TJP3: variants seen among roughly 807,000 people sequenced by gnomAD.
The protein encoded by TJP3 is tight junction protein ZO-3.
In TJP3, 85 loss-of-function variants were observed where a neutral mutation model predicts 104.2. That is an observed-to-expected ratio of 0.82 (90% confidence interval 0.68 to 0.98). The LOEUF (loss-of-function observed/expected upper bound fraction) is 0.98. Among genes scored for constraint, TJP3 ranks in the 50% least tolerant of loss-of-function variants. The pLI, the probability that TJP3 is intolerant of heterozygous loss-of-function variation, is 0.00. For missense variants in TJP3, 1,367 were observed against 1,322.8 expected, an observed-to-expected ratio of 1.03 and a Z score of -0.52; for synonymous variants, 550 against 550.6, an observed-to-expected ratio of 1.00 and a Z score of 0.02.
intron 13 of TJP3, among the ~76,000 whole-genome samples, chr19:3,740,176 G>A (rs1047360386): frequency 5.9e-5 from 9 of 152,208 alleles, no homozygotes; most frequent in African/African-American, 1.9e-4. Context: ...AGGTTGCAGT[G>A]AGCAGAGATT....
At chr19:3,712,682 C>T (rs1050373466) in intron 1 of TJP3, among the ~76,000 whole-genome samples, 10 of 152,140 alleles carry the variant, frequency 6.6e-5, no homozygotes, top group African/African-American at 2.4e-4. Flanking sequence ...GGCTTGGTGG[C>T]TCCCGCCTGG....
chr19:3,717,147 T>TA (rs2036486515), intron 1 of TJP3, among the ~76,000 whole-genome samples: 1 of 146,316 alleles, frequency 6.8e-6, no homozygotes, highest in Non-Finnish European at 1.5e-5. Context: ...GTATTTTTAG[T>TA]AGAGACGAGG....
At position 3,746,849 on chromosome 19, in the gene TJP3, G is replaced by A. The variant is rs748877202; in HGVS notation, c.2295G>A (p.Thr765=). 7.4e-6 allele frequency: 12 copies of A among 1,611,096 alleles called. No homozygotes were observed. The highest frequency in any genetic ancestry group is 4.5e-5 in the East Asian group (2 of 44,824). The change falls in exon 18 of 21, where the codon ACG becomes ACA. Residue 765 remains threonine, a synonymous_variant. Transcript: ENST00000541714. This position sits in a 1 kb window ranked among gnomAD's most constrained non-coding sequence, Gnocchi z 4.1. ...AGGCCATCATTCGAGAGCAGCAGAC[G>A]CGGCCCATCTGGACGGCGGAAGATC... ...ELKAIIREQQ[T]RPIWTAEDQL... is the part of the protein sequence containing the mutation.
intron 14 of TJP3, among the ~76,000 whole-genome samples, chr19:3,741,894 C>A (rs1568386636): frequency 2.6e-5 from 4 of 151,278 alleles, no homozygotes; most frequent in Non-Finnish European, 4.4e-5. Flanking sequence ...CACTTGAACC[C>A]GGGAGGCAGA....
At position 3,730,551 on chromosome 19, in the gene TJP3, G is replaced by A. The variant is rs944216016; in HGVS notation, c.458G>A (p.Arg153His). The change falls in exon 5 of 21, where the codon CGC (arginine) becomes CAC (histidine). Residue 153 changes from arginine to histidine, a missense_variant. Physicochemically the swap from Arg to His is conservative, Grantham distance 29. Coordinates refer to ENST00000541714, the MANE Select transcript of TJP3 (RefSeq NM_001267560.2). This position sits in a 1 kb window ranked among gnomAD's most constrained non-coding sequence, Gnocchi z 7.3. ...DERSRRPRPG[R>H]RGRAGSHGRR... The stretch of plus-strand genomic sequence containing the variant: ...CGCTCCCGCCGGCCGAGGCCTGGTC[G>A]CCGGGGCCGGGCCGGCAGCCATGGG... 9.4e-6 allele frequency: 15 copies of A among 1,603,114 alleles called. No individual in the cohort carries two copies. The highest frequency in any genetic ancestry group is 1.3e-5 in the African/African-American group (1 of 74,858).
At position 3,740,744 on chromosome 19, in the gene TJP3, ACGAGTGGTGTTG is replaced by A; in HGVS notation, c.1829_1840del (p.Val610_Arg613del). On this transcript the variant is annotated inframe_deletion, in exon 14 of 21. Transcript: ENST00000541714. ...GACAGGGCCGCTACCCGCCCTACGA[ACGAGTGGTGTTG>A]CGAGAAGGTGGGGCCCGGAGCTGGA... is the stretch of plus-strand genomic sequence containing the variant. 1 of 1,587,300 alleles carries A rather than the reference ACGAGTGGTGTTG, an allele frequency of 6.3e-7. No individual in the cohort carries two copies. The highest frequency in any genetic ancestry group is 8.6e-7 in the Non-Finnish European group (1 of 1,167,778).
intron 1 of TJP3, among the ~76,000 whole-genome samples, chr19:3,713,249 C>G (rs1023365381): frequency 4.6e-5 from 7 of 152,174 alleles, no homozygotes; most frequent in Non-Finnish European, 1.0e-4. Context: ...CCTGGCTGCC[C>G]TCCATCTCTG....
chr19:3,749,765 T>G, intron 19 of TJP3: 4 of 270,602 alleles, frequency 1.5e-5, no homozygotes, highest in East Asian at 8.5e-5. Flanking sequence ...ACATCTCTGA[T>G]TAGAGTGATT....
At chr19:3,722,655 C>T (rs945819529) in intron 1 of TJP3, among the ~76,000 whole-genome samples, 6 of 151,768 alleles carry the variant, frequency 4.0e-5, no homozygotes, top group African/African-American at 1.5e-4. Flanking sequence ...TTTCTTCAGA[C>T]CCACCAGCCA....
At chr19:3,715,732 T>C (rs2145664276) in intron 1 of TJP3, among the ~76,000 whole-genome samples, 1 of 152,286 alleles carries the variant, frequency 6.6e-6, no homozygotes, top group Admixed American at 6.5e-5. Context: ...TGGCCTCCAC[T>C]CACTCATGCC....
intron 1 of TJP3, among the ~76,000 whole-genome samples, chr19:3,721,255 C>A (rs900485691): frequency 6.6e-6 from 1 of 152,096 alleles, no homozygotes; most frequent in Non-Finnish European, 1.5e-5. Context: ...GCCCGCAGGC[C>A]AAGACCGCAG....
intron 1 of TJP3, among the ~76,000 whole-genome samples, chr19:3,717,428 T>A (rs559007341): frequency 1.3e-4 from 19 of 143,062 alleles, no homozygotes; most frequent in African/African-American, 4.2e-4. Flanking sequence ...TATATATATA[T>A]AATTTTATTT....
rs2145689686 is a variant in TJP3, at chr19:3,735,573, C to A, written c.994C>A (p.Pro332Thr). 1.2e-6 allele frequency: 2 copies of A among 1,614,134 alleles called. No individual in the cohort carries two copies. Among genetic ancestry groups the A allele is most frequent in the Non-Finnish European group, 1.7e-6 (2 of 1,179,974 alleles). ...ASQTDSPVES[P>T]RLRRESSVDS... The stretch of plus-strand genomic sequence containing the variant: ...CAATCTGTTCCCCACCAGGGAGAGT[C>A]CCCGGCTTCGGCGGGAAAGTTCAGT... Residue 332 changes from proline to threonine, a missense_variant, in exon 9 of 21, where the codon CCC becomes ACC. Coordinates refer to ENST00000541714, the MANE Select transcript of TJP3 (RefSeq NM_001267560.2).
At chr19:3,733,267 C>T (rs1599154333) in intron 6 of TJP3, among the ~76,000 whole-genome samples, 1 of 152,094 alleles carries the variant, frequency 6.6e-6, no homozygotes, top group African/African-American at 2.4e-5. Context: ...AACTCCTGAC[C>T]TCAACTGATC....
intron 1 of TJP3, among the ~76,000 whole-genome samples, chr19:3,722,847 ATG>A (rs1432800718): frequency 9.0e-4 from 3 of 3,346 alleles, no homozygotes; most frequent in Non-Finnish European, 1.8e-3. Context: ...GTTCCTGGAG[ATG>A]GGGTGGCGGG....
In TJP3 at chr19:3,740,655, G is replaced by A. The variant is rs1402323355; in HGVS notation, c.1735G>A (p.Gly579Ser). The change falls in exon 14 of 21, where the codon GGT becomes AGT. Residue 579 changes from glycine to serine, a missense_variant. By Grantham distance (56) the Gly-to-Ser change is moderately conservative. Coordinates refer to ENST00000541714, the MANE Select transcript of TJP3 (RefSeq NM_001267560.2). The stretch of plus-strand genomic sequence containing the variant: ...TCGGGCCGAGTTCTGGCGGCTGCGG[G>A]GTCTTCGTCGAGGAGCCAAGAAGAC... ...NARAEFWRLR[G>S]LRRGAKKTTQ... 1 of 1,606,566 alleles carries A rather than the reference G, an allele frequency of 6.2e-7. No individual in the cohort carries two copies. Among genetic ancestry groups the A allele is most frequent in the East Asian group, 2.2e-5 (1 of 44,618 alleles).
At chr19:3,745,475 G>A (rs570464255) in intron 15 of TJP3, among the ~76,000 whole-genome samples, 2 of 152,270 alleles carry the variant, frequency 1.3e-5, no homozygotes, top group African/African-American at 4.8e-5. Flanking sequence ...AAAACAAAAA[G>A]GGGGGATGAG....
chr19:3,746,405 A>G lies in TJP3; in HGVS notation c.2011-80A>G. Reference sequence around the variant, plus strand: ...AGGCTGGGGTCCACTCTGACCTCAGACTCTTCATCTTTCTATCTTTCTCTC... The same window carrying G: ...AGGCTGGGGTCCACTCTGACCTCAGGCTCTTCATCTTTCTATCTTTCTCTC... On this transcript the variant is annotated intron_variant, in intron 16 of 20. Transcript: ENST00000541714. The surrounding 1 kb of genome is among the most constrained non-coding windows in gnomAD (Gnocchi z 4.1). 7.0e-7 allele frequency: 1 copy of G among 1,433,494 alleles called. No individual in the cohort carries two copies. Among genetic ancestry groups the G allele is most frequent in the Non-Finnish European group, 9.7e-7 (1 of 1,033,662 alleles). The allele number at this position is 1,433,494 out of a possible 1,614,324, so 88.8% of individuals were successfully genotyped here. A position where few individuals can be genotyped will look rare whatever the true frequency, so the allele number is the denominator to read the frequency against.
chr19:3,750,619 C>A lies in TJP3; in HGVS notation c.2695C>A (p.Arg899=), dbSNP rs200584158. ...GGAAGCCCTGAAGAAAAAGTTTATG[C>A]GAGTACATGATGCGGAGTCCTCCGA... ...EREALKKKFM[R]VHDAESSDED... is the part of the protein sequence containing the mutation. Residue 899 remains arginine, a synonymous_variant, in exon 21 of 21, where the codon CGA becomes AGA. Coordinates refer to ENST00000541714, the MANE Select transcript of TJP3 (RefSeq NM_001267560.2). 2.5e-6 allele frequency: 4 copies of A among 1,609,134 alleles called. No homozygotes were observed. In the African/African-American group the frequency reaches 5.3e-5, roughly 21 times the overall value.
Sources: allele counts gnomAD v4.1 joint callset (sites outside exome capture counted in the v4.1 genomes callset), GRCh38; gene constraint gnomAD v4.1.1; non-coding constraint Gnocchi (gnomAD v3.1); transcripts MANE v1.5; gene names NCBI Gene and HGNC (gene_info 2026-07-23, HGNC 2026-07-21).